PPIG: variants seen among roughly 807,000 people sequenced by gnomAD.
PPIG encodes the protein peptidylprolyl isomerase G.
In PPIG, 26 loss-of-function variants were observed where a neutral mutation model predicts 87.9. The ratio of observed to expected loss-of-function variants is 0.30; its 90% CI spans 0.22 to 0.41. The LOEUF (loss-of-function observed/expected upper bound fraction) is 0.41. Among genes scored for constraint, PPIG ranks in the 10% least tolerant of loss-of-function variants. The probability of loss-of-function intolerance (pLI) is 1.00; values close to 1 mark genes in which losing one functional copy is unlikely to be tolerated. For missense variants in PPIG, 722 were observed against 879.4 expected, an observed-to-expected ratio of 0.82 and a Z score of 2.26; for synonymous variants, 308 against 276.5, an observed-to-expected ratio of 1.11 and a Z score of -1.13.
rs1379203305 is a variant in PPIG, at chr2:169,637,492, G to T, written c.2234G>T (p.Ser745Ile). The T allele has an allele frequency of 6.3e-7, 1 of 1,593,964 alleles. No homozygotes were observed. Residue 745 changes from serine to isoleucine, a missense_variant, in exon 14 of 14, where the codon AGC (serine) becomes ATC (isoleucine). This residue lies in a region of PPIG where 476 missense variants were observed against 483.1 expected (regional missense o/e 0.99). Transcript: ENST00000260970. ...EKNKKFDHES[S>I]PGTDEDKSG The stretch of plus-strand genomic sequence containing the variant: ...AATAAAAAATTTGATCATGAATCAA[G>T]CCCTGGAACAGATGAAGACAAAAGC...
Position 169,631,841 on chromosome 2 carries a change from T to A in PPIG, c.837T>A (p.Pro279=). ...QSTVRPEEIP[P]IPENRFLMRK... Reference sequence around the variant, plus strand: ...CTGTCCGTCCAGAAGAGATCCCTCCTATACCTGAAAATAGATTCCTAATGA... The same window carrying A: ...CTGTCCGTCCAGAAGAGATCCCTCCAATACCTGAAAATAGATTCCTAATGA... The change falls in exon 11 of 14, where the codon CCT becomes CCA. Residue 279 remains proline, a synonymous_variant. Coordinates refer to ENST00000260970, the MANE Select transcript of PPIG (RefSeq NM_004792.3). 6.2e-7 allele frequency: 1 copy of A among 1,613,684 alleles called. No individual in the cohort carries two copies.
chr2:169,588,891 G>A (rs1353228982), intron 1 of PPIG, among the ~76,000 whole-genome samples: 5 of 150,102 alleles, frequency 3.3e-5, no homozygotes, highest in East Asian at 2.0e-4. Flanking sequence ...CCCAGGAGGC[G>A]GAGGTTGCAG....
intron 1 of PPIG, among the ~76,000 whole-genome samples, chr2:169,599,135 A>G (rs749403220): frequency 6.6e-6 from 1 of 152,106 alleles, no homozygotes; most frequent in Admixed American, 6.5e-5. Flanking sequence ...TTTGTTGTCA[A>G]ATTGGCAATC....
In PPIG at chr2:169,630,943, A is replaced by C; in HGVS notation, c.717A>C (p.Arg239=). Residue 239 remains arginine (R), a synonymous_variant, in exon 10 of 14, where the codon CGA becomes CGC. Coordinates refer to ENST00000260970, the MANE Select transcript of PPIG (RefSeq NM_004792.3). ...KRKKKHRKNS[R]KHKKEKKKRK... Reference sequence around the variant, plus strand: ...AAAAGAAACATCGGAAAAATTCCCGAAAACACAAGAAAGAAAAGAAAAAGC... The same window carrying C: ...AAAAGAAACATCGGAAAAATTCCCGCAAACACAAGAAAGAAAAGAAAAAGC... 1 of 1,597,916 alleles carries C rather than the reference A, an allele frequency of 6.3e-7. No individual in the cohort carries two copies. The highest frequency in any genetic ancestry group is 8.5e-7 in the Non-Finnish European group (1 of 1,176,378).
chr2:169,603,784 A>G (rs1685249483), intron 2 of PPIG, 90 bp downstream of exon 2: 1 of 474,604 alleles, frequency 2.1e-6, no homozygotes, highest in Admixed American at 3.6e-5. Flanking sequence ...ATAAATAGAA[A>G]GTTGATTACA....
chr2:169,613,095 A>T (rs1685533732), intron 7 of PPIG, among the ~76,000 whole-genome samples: 1 of 152,264 alleles, frequency 6.6e-6, no homozygotes, highest in African/African-American at 2.4e-5. Context: ...TTTAGTGAGC[A>T]GGCAGACTTG....
At chr2:169,605,485 A>G (rs1180836724) in intron 4 of PPIG, among the ~76,000 whole-genome samples, 3 of 151,888 alleles carry the variant, frequency 2.0e-5, no homozygotes, top group East Asian at 1.9e-4. Context: ...CCTGGGCGAC[A>G]AGAGTGAGAT....
intron 7 of PPIG, among the ~76,000 whole-genome samples, chr2:169,609,349 A>G (rs1020364494): frequency 6.6e-6 from 1 of 151,950 alleles, no homozygotes; most frequent in Non-Finnish European, 1.5e-5. Flanking sequence ...AGATGGGACT[A>G]CAGGTGTGTG....
intron 9 of PPIG, among the ~76,000 whole-genome samples, chr2:169,630,141 G>GA (rs1263801733): frequency 6.8e-6 from 1 of 147,682 alleles, no homozygotes; most frequent in Non-Finnish European, 1.5e-5. Context: ...TAAACTCTGA[G>GA]TTTTTTTTTT....
At chr2:169,604,293 A>T in intron 4 of PPIG, 32 bp downstream of exon 4, 1 of 1,101,220 alleles carries the variant, frequency 9.1e-7, no homozygotes, top group Non-Finnish European at 1.3e-6. Flanking sequence ...CCCTAATAGT[A>T]GTCTCAGTTG....
chr2:169,614,488 A>G lies in PPIG; in HGVS notation c.402A>G (p.Leu134=), dbSNP rs138291153. ...FFITTKPTPH[L]DGHHVVFGQV... is the part of the protein sequence containing the mutation. Reference sequence around the variant, plus strand: ...GAACAACGAAACCAACTCCTCATTTAGATGGGTAAATATTATTTTATTTAT... The same window carrying G: ...GAACAACGAAACCAACTCCTCATTTGGATGGGTAAATATTATTTTATTTAT... The change falls in exon 8 of 14, where the codon TTA becomes TTG. Residue 134 remains leucine (L), a synonymous_variant. Coordinates refer to ENST00000260970, the MANE Select transcript of PPIG (RefSeq NM_004792.3). 54 of 1,565,720 alleles carry G rather than the reference A, an allele frequency of 3.4e-5. No individual in the cohort carries two copies. The highest frequency in any genetic ancestry group is 4.3e-5 in the Non-Finnish European group (49 of 1,149,052).
At chr2:169,627,769 G>C (rs1685931978) in intron 9 of PPIG, among the ~76,000 whole-genome samples, 1 of 135,752 alleles carries the variant, frequency 7.4e-6, no homozygotes, top group Non-Finnish European at 1.5e-5. Flanking sequence ...TAAATCAACT[G>C]TGATGTATTT....
intron 9 of PPIG, among the ~76,000 whole-genome samples, chr2:169,622,281 G>A (rs1685778948): frequency 6.6e-6 from 1 of 152,112 alleles, no homozygotes; most frequent in Non-Finnish European, 1.5e-5. Flanking sequence ...AAAGAAGTTT[G>A]CATTTTAAAC....
At chr2:169,594,050 A>T (rs1406757063) in intron 1 of PPIG, among the ~76,000 whole-genome samples, 3 of 152,082 alleles carry the variant, frequency 2.0e-5, no homozygotes, top group African/African-American at 7.2e-5. Context: ...CTTTTTTGTG[A>T]TATTATGATA....
intron 9 of PPIG, among the ~76,000 whole-genome samples, chr2:169,623,348 G>A (rs1685804653): frequency 6.6e-6 from 1 of 152,162 alleles, no homozygotes; most frequent in Non-Finnish European, 1.5e-5. Context: ...TATGCCGGAG[G>A]TTGCAAGTTT....
chr2:169,603,796 A>G, intron 2 of PPIG, 102 bp downstream of exon 2: 1 of 513,700 alleles, frequency 1.9e-6, no homozygotes, highest in Non-Finnish European at 3.4e-6. Context: ...TTGATTACAT[A>G]ATAATGGTTA....
At chr2:169,618,740 C>T (rs1333640100) in intron 9 of PPIG, among the ~76,000 whole-genome samples, 13 of 151,490 alleles carry the variant, frequency 8.6e-5, no homozygotes, top group Admixed American at 5.9e-4. Flanking sequence ...TGATTCTTCT[C>T]TCTTTTCTTC....
chr2:169,635,707 G>A (rs1436013075), intron 12 of PPIG, among the ~76,000 whole-genome samples: 2 of 152,108 alleles, frequency 1.3e-5, no homozygotes, highest in Non-Finnish European at 2.9e-5. Flanking sequence ...CATTTAGATT[G>A]GAACTTGGCA....
At chr2:169,606,978 T>A (rs1685348976) in intron 5 of PPIG, 126 bp from the exon 6 acceptor site, 1 of 676,406 alleles carries the variant, frequency 1.5e-6, no homozygotes, top group African/African-American at 1.8e-5. Context: ...TTTTATGATT[T>A]GCTGCAATCT....
Sources: gnomAD v4.1 joint callset for allele counts (sites outside exome capture counted in the v4.1 genomes callset) on GRCh38, gnomAD v4.1.1 for gene constraint, gnomAD v4.1.1 regional missense constraint, MANE v1.5 for transcripts, NCBI Gene and HGNC (gene_info 2026-07-23, HGNC 2026-07-21) for gene names.